The following PPFIA2 variants were observed in gnomAD, a reference collection of about 807,000 sequenced individuals.
PPFIA2 encodes the protein liprin-alpha-2.
A neutral mutation model predicts 175.5 loss-of-function variants in PPFIA2; 46 were observed. That is an observed-to-expected ratio of 0.26 (90% CI 0.21 to 0.34). The LOEUF is 0.34. Among genes scored for constraint, PPFIA2 ranks in the 10% least tolerant of loss-of-function variants. PPFIA2 has a pLI of 1.00. For missense variants in PPFIA2, 1,179 were observed against 1,506.1 expected (o/e 0.78, Z 3.60); for synonymous variants, 568 against 511.4 (o/e 1.11, Z -1.49).
chr12:81,617,110 T>C (rs568834019), intron 4 of PPFIA2, among the ~76,000 whole-genome samples: 141 of 152,310 alleles, frequency 9.3e-4, no homozygotes, highest in Middle Eastern at 3.4e-3. Flanking sequence ...TTTAACTTAC[T>C]AGGGCATTTG....
intron 18 of PPFIA2, 72 bp from the exon 19 acceptor site, chr12:81,344,765 T>A: frequency 4.5e-6 from 5 of 1,099,074 alleles, no homozygotes; most frequent in Non-Finnish European, 6.6e-6. Flanking sequence ...CAAGTTACAA[T>A]TTTAAATAGT....
At chr12:81,628,376 CTTTT>C (rs11304359) in intron 4 of PPFIA2, among the ~76,000 whole-genome samples, 2 of 111,696 alleles carry the variant, frequency 1.8e-5, no homozygotes, top group East Asian at 2.9e-4. Context: ...TTTCTTTTAC[CTTTT>C]TTTTTTTTTT....
chr12:81,713,693 A>G (rs149105023), intron 3 of PPFIA2, among the ~76,000 whole-genome samples: 12 of 151,286 alleles, frequency 7.9e-5, no homozygotes, highest in African/African-American at 2.9e-4. Flanking sequence ...TAATGTAGGT[A>G]TCCTATAGCA....
chr12:81,263,470 G>A, intron 30 of PPFIA2, 80 bp from the exon 31 acceptor site: 1 of 1,257,742 alleles, frequency 8.0e-7, no homozygotes, highest in East Asian at 2.4e-5. Context: ...TTAGAAACAT[G>A]TAACATAGAT....
At chr12:81,270,081 CAATA>C (rs1319658376) in intron 28 of PPFIA2, among the ~76,000 whole-genome samples, 1 of 152,074 alleles carries the variant, frequency 6.6e-6, no homozygotes, top group South Asian at 2.1e-4. Flanking sequence ...AATAAAAAAA[CAATA>C]AATAGTGCTG....
chr12:81,721,847 GA>G (rs140863326), intron 3 of PPFIA2, among the ~76,000 whole-genome samples: 17,944 of 150,682 alleles, frequency 0.12, 1,218 homozygotes, highest in Non-Finnish European at 0.15. Flanking sequence ...TAAACATCTA[GA>G]AAAAACAAGG....
At chr12:81,464,800 A>G (rs1379693232) in intron 4 of PPFIA2, among the ~76,000 whole-genome samples, 2 of 151,852 alleles carry the variant, frequency 1.3e-5, no homozygotes, top group Non-Finnish European at 2.9e-5. Flanking sequence ...ACCCATTCTC[A>G]GACAGACACA....
intron 4 of PPFIA2, among the ~76,000 whole-genome samples, chr12:81,580,744 A>G (rs1008667199): frequency 6.6e-6 from 1 of 151,800 alleles, no homozygotes; most frequent in Non-Finnish European, 1.5e-5. Context: ...GTCAACTTTA[A>G]TGAATATATC....
At chr12:81,526,028 G>C (rs1385701489) in intron 4 of PPFIA2, among the ~76,000 whole-genome samples, 1 of 152,008 alleles carries the variant, frequency 6.6e-6, no homozygotes, top group Non-Finnish European at 1.5e-5. Flanking sequence ...CCAGGTCTCA[G>C]GTCTCAATAG....
At chr12:81,382,803 G>A (rs2038030228) in intron 9 of PPFIA2, among the ~76,000 whole-genome samples, 1 of 152,066 alleles carries the variant, frequency 6.6e-6, no homozygotes, top group Admixed American at 6.6e-5. Flanking sequence ...CAGGAAAGAA[G>A]GACAAGTTGG....
intron 16 of PPFIA2, among the ~76,000 whole-genome samples, chr12:81,355,026 C>T (rs1050536016): frequency 1.3e-5 from 2 of 152,102 alleles, no homozygotes; most frequent in African/African-American, 4.8e-5. Context: ...AGAATGTTTT[C>T]AATTGGCTTT....
intron 3 of PPFIA2, among the ~76,000 whole-genome samples, chr12:81,685,306 A>C (rs1417683599): frequency 6.6e-6 from 1 of 152,072 alleles, no homozygotes; most frequent in Non-Finnish European, 1.5e-5. Flanking sequence ...TGTTTCCTTG[A>C]CAACATTATA....
At chr12:81,556,380 T>C (rs2068862452) in intron 4 of PPFIA2, among the ~76,000 whole-genome samples, 1 of 151,924 alleles carries the variant, frequency 6.6e-6, no homozygotes, top group African/African-American at 2.4e-5. Flanking sequence ...CATTTTAAAC[T>C]ACATACATGT....
chr12:81,541,409 A>G (rs1010743587), intron 4 of PPFIA2, among the ~76,000 whole-genome samples: 1 of 152,082 alleles, frequency 6.6e-6, no homozygotes, highest in Non-Finnish European at 1.5e-5. Flanking sequence ...ATGTTTCCAT[A>G]AGAAGGCCTC....
At chr12:81,706,965 C>CATAT (rs771039876) in intron 3 of PPFIA2, among the ~76,000 whole-genome samples, 235 of 151,966 alleles carry the variant, frequency 1.5e-3, no homozygotes, top group Non-Finnish European at 1.6e-3. Flanking sequence ...ACTGGCTAGC[C>CATAT]ATATGTAGAA....
intron 8 of PPFIA2, among the ~76,000 whole-genome samples, chr12:81,386,894 A>C (rs2142082356): frequency 6.6e-6 from 1 of 152,294 alleles, no homozygotes; most frequent in East Asian, 1.9e-4. Context: ...AAATTTTTTT[A>C]ATATGCAATT....
intron 4 of PPFIA2, among the ~76,000 whole-genome samples, chr12:81,559,907 T>C (rs1474496004): frequency 1.3e-5 from 2 of 152,116 alleles, no homozygotes; most frequent in Non-Finnish European, 2.9e-5. Flanking sequence ...CCTATCTCAG[T>C]GGACTCCTTT....
chr12:81,604,274 G>C (rs531596128), intron 4 of PPFIA2, among the ~76,000 whole-genome samples: 18 of 151,766 alleles, frequency 1.2e-4, no homozygotes, highest in East Asian at 9.7e-4. Context: ...GGGAAAATAT[G>C]GCTGAAAGCA....
intron 3 of PPFIA2, among the ~76,000 whole-genome samples, chr12:81,741,233 T>C (rs2082281112): frequency 6.6e-6 from 1 of 152,226 alleles, no homozygotes; most frequent in Admixed American, 6.5e-5. Flanking sequence ...GCAGCATTAA[T>C]GCTGGTCTCA....
Sources: allele counts gnomAD v4.1 joint callset (sites outside exome capture counted in the v4.1 genomes callset), GRCh38; gene constraint gnomAD v4.1.1; transcripts MANE v1.5; gene names NCBI Gene and HGNC (gene_info 2026-07-23, HGNC 2026-07-21).